C12orf42: variants seen among roughly 807,000 people sequenced by gnomAD.
C12orf42 encodes the protein chromosome 12 open reading frame 42.
Under a neutral mutation model 21.6 loss-of-function variants are expected in C12orf42, and 25 were observed. The observed-to-expected ratio is 1.16, with a 90% confidence interval of 0.84 to 1.62. The LOEUF (loss-of-function observed/expected upper bound fraction) is 1.62. Ranked by LOEUF, C12orf42 falls within the 40% of genes most tolerant of loss-of-function variation. The pLI is 0.00. For synonymous variants in C12orf42, 174 were observed against 175.0 expected, an observed-to-expected ratio of 0.99 and a Z score of 0.05; for missense variants, 483 against 459.3, an observed-to-expected ratio of 1.05 and a Z score of -0.47.
the C12orf42 span, among the ~76,000 whole-genome samples, chr12:103,192,334 C>G: frequency 6.6e-6 from 1 of 151,932 alleles, no homozygotes; most frequent in African/African-American, 2.4e-5. Flanking sequence ...GAAACCCCCT[C>G]TCTACTAAAA....
chr12:103,116,160 G>T, the C12orf42 span, among the ~76,000 whole-genome samples: 1 of 152,032 alleles, frequency 6.6e-6, no homozygotes, highest in Non-Finnish European at 1.5e-5. Flanking sequence ...TCAGGAGTTT[G>T]AGATCAGCCT....
At chr12:103,284,802 T>C (rs1308234244) in intron 4 of C12orf42, among the ~76,000 whole-genome samples, 2 of 152,194 alleles carry the variant, frequency 1.3e-5, no homozygotes, top group Non-Finnish European at 2.9e-5. Context: ...CTAAATCCTT[T>C]TGCTTTCGTG....
intron 4 of C12orf42, among the ~76,000 whole-genome samples, chr12:103,349,804 G>T (rs2042958072): frequency 6.6e-6 from 1 of 151,936 alleles, no homozygotes; most frequent in African/African-American, 2.4e-5. Context: ...GATACGCAAA[G>T]GATCAGGAAA....
At chr12:103,302,581 C>A in intron 5 of C12orf42, 22 bp from the exon 6 acceptor site, 1 of 1,587,732 alleles carries the variant, frequency 6.3e-7, no homozygotes, top group Non-Finnish European at 8.5e-7. Context: ...AGCAGGAAAG[C>A]AGGACAGAGA....
the C12orf42 span, among the ~76,000 whole-genome samples, chr12:103,540,084 T>C: frequency 6.6e-6 from 1 of 151,386 alleles, no homozygotes; most frequent in Non-Finnish European, 1.5e-5. Context: ...ATCAGCTCAC[T>C]GCAACCTCTG....
At chr12:103,305,312 A>T (rs1192107912) in intron 5 of C12orf42, among the ~76,000 whole-genome samples, 1 of 152,198 alleles carries the variant, frequency 6.6e-6, no homozygotes. Context: ...GAACATCAGC[A>T]CCATAAGTAC....
At chr12:103,478,563 C>A in intron 1 of C12orf42, 116 bp from the exon 2 acceptor site, 1 of 437,664 alleles carries the variant, frequency 2.3e-6, no homozygotes, top group Non-Finnish European at 3.9e-6. Flanking sequence ...CATAGTATTT[C>A]TTGCCAGTGA....
At chr12:103,454,144 C>T (rs894833863) in intron 2 of C12orf42, among the ~76,000 whole-genome samples, 16 of 151,990 alleles carry the variant, frequency 1.1e-4, no homozygotes, top group Non-Finnish European at 1.0e-4. Flanking sequence ...ATAATTTATT[C>T]TCCTTATTTT....
the C12orf42 span, among the ~76,000 whole-genome samples, chr12:103,221,379 A>G: frequency 1.9e-3 from 284 of 152,382 alleles, no homozygotes; most frequent in African/African-American, 6.4e-3. Context: ...CATAGCATTC[A>G]TTTATTGAAT....
At chr12:103,483,315 G>A (rs185476325) in intron 1 of C12orf42, among the ~76,000 whole-genome samples, 411 of 152,142 alleles carry the variant, frequency 2.7e-3, no homozygotes, top group Non-Finnish European at 4.2e-3. Context: ...GGGGCATAGC[G>A]TATAAGGGGT....
chr12:103,553,468 A>G, the C12orf42 span, among the ~76,000 whole-genome samples: 2 of 152,188 alleles, frequency 1.3e-5, no homozygotes, highest in African/African-American at 4.8e-5. Flanking sequence ...AACTTCCAGA[A>G]AAGATTTTTC....
chr12:103,173,647 A>G, the C12orf42 span, among the ~76,000 whole-genome samples: 1 of 151,614 alleles, frequency 6.6e-6, no homozygotes, highest in Non-Finnish European at 1.5e-5. Context: ...CCTTCTTCTT[A>G]TATTAATGCC....
At chr12:103,494,246 G>A (rs1593030349) in intron 1 of C12orf42, among the ~76,000 whole-genome samples, 1 of 152,286 alleles carries the variant, frequency 6.6e-6, no homozygotes, top group Admixed American at 6.5e-5. Context: ...CCATCAGAAG[G>A]GAGTTTATTG....
At chr12:103,123,181 C>G in the C12orf42 span, among the ~76,000 whole-genome samples, 4 of 152,182 alleles carry the variant, frequency 2.6e-5, no homozygotes, top group Admixed American at 2.6e-4. Flanking sequence ...GGGCTTAGCA[C>G]CTGCCTTGCA....
At chr12:103,331,298 T>G (rs1014635258) in intron 4 of C12orf42, among the ~76,000 whole-genome samples, 3 of 152,234 alleles carry the variant, frequency 2.0e-5, no homozygotes, top group Non-Finnish European at 2.9e-5. Flanking sequence ...TATGTCAATA[T>G]TGCCATGATT....
At chr12:103,097,594 G>T in the C12orf42 span, among the ~76,000 whole-genome samples, 1 of 152,184 alleles carries the variant, frequency 6.6e-6, no homozygotes, top group African/African-American at 2.4e-5. Context: ...TGTACAGATG[G>T]TTCCCTGGCC....
intron 10 of C12orf42, among the ~76,000 whole-genome samples, chr12:103,244,586 T>C (rs2033922001): frequency 6.6e-6 from 1 of 151,716 alleles, no homozygotes; most frequent in Admixed American, 6.6e-5. Context: ...TCTAAGTTAG[T>C]ATAAAGTCTC....
intron 4 of C12orf42, among the ~76,000 whole-genome samples, chr12:103,327,284 T>C (rs896952322): frequency 2.0e-5 from 3 of 152,316 alleles, no homozygotes; most frequent in African/African-American, 4.8e-5. Context: ...GCCCCAAGCA[T>C]GATTCCAATA....
At chr12:103,212,609 GTCTC>G in the C12orf42 span, among the ~76,000 whole-genome samples, 1 of 152,090 alleles carries the variant, frequency 6.6e-6, no homozygotes, top group Non-Finnish European at 1.5e-5. Context: ...ACATCTGTTT[GTCTC>G]TCTTTTTGTG....
Sources: gnomAD v4.1 joint callset for allele counts (sites outside exome capture counted in the v4.1 genomes callset) on GRCh38, gnomAD v4.1.1 for gene constraint, MANE v1.5 for transcripts, NCBI Gene and HGNC (gene_info 2026-07-23, HGNC 2026-07-21) for gene names.